The following TENM2 variants were observed in gnomAD, a reference collection of about 807,000 sequenced individuals.
TENM2 encodes teneurin transmembrane protein 2.
Under a neutral mutation model 245.2 loss-of-function variants are expected in TENM2, and 52 were observed. That is an observed-to-expected ratio of 0.21 (90% CI 0.17 to 0.27). The LOEUF (loss-of-function observed/expected upper bound fraction) is 0.27, where lower values mean the gene tolerates loss of function less well. Ranked by LOEUF, TENM2 falls within the 10% of genes least tolerant of loss-of-function variation. The pLI, the probability that TENM2 is intolerant of heterozygous loss-of-function variation, is 1.00. For synonymous variants in TENM2, 1,363 were observed against 1,438.9 expected, an observed-to-expected ratio of 0.95 and a Z score of 1.19; for missense variants, 3,046 against 3,666.8, an observed-to-expected ratio of 0.83 and a Z score of 4.37.
intron 2 of TENM2, among the ~76,000 whole-genome samples, chr5:167,781,535 A>G (rs1350133809): frequency 2.0e-5 from 3 of 152,220 alleles, no homozygotes; most frequent in Non-Finnish European, 4.4e-5. Context: ...GCCTCCTTAG[A>G]GTCTAGCCCT....
At chr5:167,150,403 T>C in the TENM2 span, among the ~76,000 whole-genome samples, 1 of 152,210 alleles carries the variant, frequency 6.6e-6, no homozygotes, top group Admixed American at 6.5e-5. Flanking sequence ...TGTGAGGAGC[T>C]TAAATATTCA....
At chr5:168,262,995 G>A (rs1768348064) in exon 29 of TENM2, 1 of 563,354 alleles carries the variant, frequency 1.8e-6, no homozygotes, top group Non-Finnish European at 3.1e-6. Context: ...CCCTCATCCT[G>A]AAGTAGACTA....
chr5:167,205,076 T>A, the TENM2 span, among the ~76,000 whole-genome samples: 4 of 152,206 alleles, frequency 2.6e-5, no homozygotes, highest in African/African-American at 9.6e-5. Context: ...ATGTGGGGAC[T>A]CTTTCCATTG....
At chr5:168,225,192 A>C (rs775973755) in intron 23 of TENM2, among the ~76,000 whole-genome samples, 1 of 152,148 alleles carries the variant, frequency 6.6e-6, no homozygotes, top group Non-Finnish European at 1.5e-5. Flanking sequence ...TGGGGACCAA[A>C]GAACAGGTTC....
chr5:167,094,257 ACTCT>A, the TENM2 span, among the ~76,000 whole-genome samples: 1 of 152,092 alleles, frequency 6.6e-6, no homozygotes, highest in Admixed American at 6.6e-5. Context: ...GCACGTGTAT[ACTCT>A]CATGAAACCA....
At chr5:167,533,588 T>G (rs2127595546) in intron 2 of TENM2, among the ~76,000 whole-genome samples, 1 of 152,174 alleles carries the variant, frequency 6.6e-6, no homozygotes, top group Non-Finnish European at 1.5e-5. Flanking sequence ...TCCCAAGTAG[T>G]TGGGACTACA....
intron 1 of TENM2, among the ~76,000 whole-genome samples, chr5:167,334,906 G>A (rs560581402): frequency 2.6e-5 from 4 of 152,278 alleles, no homozygotes; most frequent in South Asian, 4.1e-4. Flanking sequence ...TGACAGAATC[G>A]TTGATGATAT....
chr5:167,546,739 T>G (rs1177244533), intron 2 of TENM2, among the ~76,000 whole-genome samples: 1 of 152,126 alleles, frequency 6.6e-6, no homozygotes, highest in East Asian at 1.9e-4. Flanking sequence ...GCAGAAATAA[T>G]GACAACCAAG....
chr5:167,140,650 C>T, the TENM2 span, among the ~76,000 whole-genome samples: 1 of 152,142 alleles, frequency 6.6e-6, no homozygotes, highest in South Asian at 2.1e-4. Context: ...AAAACAAATA[C>T]GTTTTAGGTA....
chr5:168,212,395 CACACAT>C (rs1435124458), intron 20 of TENM2, among the ~76,000 whole-genome samples: 2 of 152,140 alleles, frequency 1.3e-5, no homozygotes, highest in Non-Finnish European at 2.9e-5. Flanking sequence ...AAGTGTAAAA[CACACAT>C]ACACGTGCAT....
chr5:167,382,704 C>G (rs1761163868), intron 2 of TENM2, among the ~76,000 whole-genome samples: 1 of 152,148 alleles, frequency 6.6e-6, no homozygotes, highest in African/African-American at 2.4e-5. Flanking sequence ...CCATGGCAGT[C>G]TTTCCATCTG....
chr5:167,112,238 A>C, the TENM2 span, among the ~76,000 whole-genome samples: 2 of 152,236 alleles, frequency 1.3e-5, no homozygotes, highest in Non-Finnish European at 2.9e-5. Flanking sequence ...TGTTTGGCAG[A>C]GCATGAATAC....
intron 4 of TENM2, among the ~76,000 whole-genome samples, chr5:167,983,953 C>A (rs775228803): frequency 8.5e-5 from 13 of 152,184 alleles, no homozygotes; most frequent in Admixed American, 2.6e-4. Context: ...ATACTATACA[C>A]GGCTCCTGCC....
the TENM2 span, among the ~76,000 whole-genome samples, chr5:167,053,481 T>C: frequency 5.9e-5 from 9 of 152,166 alleles, no homozygotes; most frequent in African/African-American, 2.2e-4. Context: ...TCTGAATACA[T>C]TTTACTTAGT....
rs1382474788 is a variant in TENM2, at chr5:168,134,050, G to A, written c.2422+7084G>A. On this transcript the variant is annotated intron_variant, in intron 12 of 28. Transcript: ENST00000518659. ...CACACCTGTAATCCCAGCTACTCAG[G>A]AGGCTGAGCCATGAGAATCCCTCGA... 4.6e-5 allele frequency among the ~76,000 whole-genome samples: 7 copies of A among 152,118 alleles called. 1 individual carries two copies. Among genetic ancestry groups the A allele is most frequent in the African/African-American group, 1.7e-4 (7 of 41,398 alleles).
chr5:167,989,936 T>C (rs1052454404), intron 4 of TENM2, among the ~76,000 whole-genome samples: 4 of 152,106 alleles, frequency 2.6e-5, no homozygotes, highest in African/African-American at 9.7e-5. Flanking sequence ...TAAGGAGTCA[T>C]GAGCTAGATA....
the TENM2 span, among the ~76,000 whole-genome samples, chr5:167,155,139 T>C: frequency 2.5e-3 from 386 of 152,352 alleles, 1 homozygote; most frequent in African/African-American, 9.0e-3. Flanking sequence ...CACCAACATG[T>C]ATACTGATTT....
chr5:167,668,111 TCTC>T (rs1480106145), intron 2 of TENM2, among the ~76,000 whole-genome samples: 2 of 152,094 alleles, frequency 1.3e-5, no homozygotes, highest in South Asian at 2.1e-4. Flanking sequence ...CCTTTGAAAA[TCTC>T]CTCCACTCCC....
intron 12 of TENM2, among the ~76,000 whole-genome samples, chr5:168,153,219 A>T (rs753230865): frequency 1.3e-5 from 2 of 151,040 alleles, no homozygotes; most frequent in East Asian, 3.9e-4. Context: ...TGGGTAGCTT[A>T]AAAAAAAAGG....
Sources: gnomAD v4.1 joint callset for allele counts (sites outside exome capture counted in the v4.1 genomes callset) on GRCh38, gnomAD v4.1.1 for gene constraint, MANE v1.5 for transcripts, NCBI Gene and HGNC (gene_info 2026-07-23, HGNC 2026-07-21) for gene names.